Variants in CAMKMT observed in about 807,000 individuals in gnomAD.
The protein encoded by CAMKMT is CaM KMT.
In CAMKMT, 53 loss-of-function variants were observed where a neutral mutation model predicts 48.0. The observed-to-expected ratio is 1.10, with a 90% CI of 0.89 to 1.39. The LOEUF (loss-of-function observed/expected upper bound fraction) is 1.39. CAMKMT is among the 40% of genes most tolerant of loss of function. The probability of loss-of-function intolerance (pLI) is 0.00; values close to 1 mark genes in which losing one functional copy is unlikely to be tolerated. For missense variants in CAMKMT, 428 were observed against 402.7 expected, an observed-to-expected ratio of 1.06 and a Z score of -0.54; for synonymous variants, 165 against 152.3, an observed-to-expected ratio of 1.08 and a Z score of -0.61.
chr2:44,540,711 A>T (rs1325375986), intron 3 of CAMKMT, among the ~76,000 whole-genome samples: 1 of 152,186 alleles, frequency 6.6e-6, no homozygotes, highest in Non-Finnish European at 1.5e-5. Flanking sequence ...TCATTGTGCC[A>T]CTGCACTCCA....
chr2:44,645,706 A>G (rs1031479021), intron 3 of CAMKMT, among the ~76,000 whole-genome samples: 5 of 152,110 alleles, frequency 3.3e-5, no homozygotes, highest in African/African-American at 1.2e-4. Flanking sequence ...CTGTAATCCA[A>G]GCTACTCAGG....
chr2:44,549,405 A>G lies in CAMKMT; in HGVS notation c.377-154878A>G, dbSNP rs1056622746. 5.3e-6 allele frequency: 3 copies of G among 569,200 alleles called. No individual in the cohort carries two copies. The African/African-American group carries it at 5.8e-5, about 11-fold the overall frequency. The allele number at this position is 569,200 out of a possible 1,614,324, so 35.3% of individuals were successfully genotyped here. A position where few individuals can be genotyped will look rare whatever the true frequency, so the allele number is the denominator to read the frequency against. On this transcript the variant is annotated intron_variant, in intron 3 of 10. Coordinates refer to ENST00000378494, the MANE Select transcript of CAMKMT (RefSeq NM_024766.5). Reference sequence around the variant, plus strand: ...ATGTACAGAGTGACAAACATAATTCACCCCAAGGGAAGAGAAGAACCTCTC... The same window carrying G: ...ATGTACAGAGTGACAAACATAATTCGCCCCAAGGGAAGAGAAGAACCTCTC...
At chr2:44,708,328 A>T (rs1677680376) in intron 6 of CAMKMT, among the ~76,000 whole-genome samples, 1 of 137,402 alleles carries the variant, frequency 7.3e-6, no homozygotes, top group Non-Finnish European at 1.5e-5. Flanking sequence ...TTTCTGTGGC[A>T]TCTTACATAC....
chr2:44,467,351 G>A (rs928354420), intron 3 of CAMKMT, among the ~76,000 whole-genome samples: 1 of 151,708 alleles, frequency 6.6e-6, no homozygotes, highest in Non-Finnish European at 1.5e-5. Flanking sequence ...GGCCAACATG[G>A]TGAAACCCTG....
chr2:44,688,183 A>G lies in CAMKMT; in HGVS notation c.377-16100A>G, dbSNP rs1278280179. Among the ~76,000 whole-genome samples the G allele has an allele frequency of 3.3e-5, 5 of 152,000 alleles. No individual in the cohort carries two copies. The South Asian group carries it at 6.2e-4, about 19-fold the overall frequency. On this transcript the variant is annotated intron_variant, in intron 3 of 10. Transcript: ENST00000378494. The stretch of plus-strand genomic sequence containing the variant: ...GGGGAAGGAAAATGAAATCAAATTC[A>G]TTTCCTTAACAAAAAAAAAAGGTGT...
intron 3 of CAMKMT, among the ~76,000 whole-genome samples, chr2:44,595,755 C>T (rs1558732047): frequency 6.6e-6 from 1 of 152,124 alleles, no homozygotes; most frequent in Non-Finnish European, 1.5e-5. Context: ...GAATCATAGA[C>T]TGGATAAATG....
chr2:44,419,685 T>C (rs1683796928), intron 3 of CAMKMT, among the ~76,000 whole-genome samples: 1 of 152,192 alleles, frequency 6.6e-6, no homozygotes, highest in South Asian at 2.1e-4. Context: ...AAGTAATCTT[T>C]CTGCCTTAAA....
chr2:44,558,040 TTC>T (rs1668111192), intron 3 of CAMKMT, among the ~76,000 whole-genome samples: 6 of 29,138 alleles, frequency 2.1e-4, no homozygotes, highest in Admixed American at 5.5e-4. Flanking sequence ...TATTTATTCA[TTC>T]ATTCATTCAT....
chr2:44,419,250 A>G (rs1324936308), intron 3 of CAMKMT, among the ~76,000 whole-genome samples: 2 of 152,190 alleles, frequency 1.3e-5, no homozygotes, highest in Non-Finnish European at 2.9e-5. Flanking sequence ...TGAAATGTGG[A>G]CCTAAGATGA....
Position 44,477,605 on chromosome 2 carries a change from G to T in CAMKMT, c.376+87300G>T, listed in dbSNP as rs529336177. 1.8e-4 allele frequency among the ~76,000 whole-genome samples: 28 copies of T among 152,198 alleles called. No homozygotes were observed. The South Asian group carries it at 5.4e-3, about 29-fold the overall frequency. On this transcript the variant is annotated intron_variant, in intron 3 of 10. Transcript: ENST00000378494. Reference sequence around the variant, plus strand: ...AAGCCCAGTTATCTAGAATTATAAGGTTATAGTACATTTTTGGTTGAGCAC... The same window carrying T: ...AAGCCCAGTTATCTAGAATTATAAGTTTATAGTACATTTTTGGTTGAGCAC...
At position 44,546,454 on chromosome 2, in the gene CAMKMT, G is replaced by A. The variant is rs113334275; in HGVS notation, c.376+156149G>A. Among the ~76,000 whole-genome samples the A allele has an allele frequency of 1.3e-3, 195 of 152,198 alleles. 1 individual carries two copies. The highest frequency in any genetic ancestry group is 4.5e-3 in the African/African-American group (185 of 41,508). ...GATCTGTTTCACGTTTTATGGAATC[G>A]ATAAATCTCATCCCTAAAGAGTCCA... On this transcript the variant is annotated intron_variant, in intron 3 of 10. Coordinates refer to ENST00000378494, the MANE Select transcript of CAMKMT (RefSeq NM_024766.5).
At chr2:44,587,247 C>T (rs1669907232) in intron 3 of CAMKMT, among the ~76,000 whole-genome samples, 2 of 152,134 alleles carry the variant, frequency 1.3e-5, no homozygotes, top group South Asian at 4.1e-4. Context: ...GACTTCTTAA[C>T]AATACTGAGT....
intron 2 of CAMKMT, among the ~76,000 whole-genome samples, chr2:44,373,472 C>T (rs1679379004): frequency 6.6e-6 from 1 of 152,106 alleles, no homozygotes; most frequent in South Asian, 2.1e-4. Flanking sequence ...TTTTCTCTCA[C>T]AGTTATGTTC....
At chr2:44,573,325 G>T (rs966950069) in intron 3 of CAMKMT, among the ~76,000 whole-genome samples, 2 of 151,726 alleles carry the variant, frequency 1.3e-5, no homozygotes, top group Non-Finnish European at 2.9e-5. Context: ...ATTATGAGTA[G>T]TAATGTCTTG....
rs138788192 is a variant in CAMKMT at position 44,432,567 on chromosome 2, C to A, written c.376+42262C>A. ...TTTTCAAGGAGCCACGAAGTAATTA[C>A]AGGGTAACTTCTTGACATTATTTTC... On this transcript the variant is annotated intron_variant, in intron 3 of 10. Coordinates refer to ENST00000378494, the MANE Select transcript of CAMKMT (RefSeq NM_024766.5). Among the ~76,000 whole-genome samples, 484 of 152,274 alleles carry A rather than the reference C, an allele frequency of 3.2e-3. 2 individuals carry two copies. Among genetic ancestry groups the A allele is most frequent in the African/African-American group, 0.011 (449 of 41,552 alleles).
chr2:44,441,520 A>G (rs1168372334), intron 3 of CAMKMT, among the ~76,000 whole-genome samples: 1 of 152,142 alleles, frequency 6.6e-6, no homozygotes, highest in Non-Finnish European at 1.5e-5. Flanking sequence ...ATAGATGTAG[A>G]TGATTAACTG....
chr2:44,484,048 G>A (rs1028860394), intron 3 of CAMKMT, among the ~76,000 whole-genome samples: 1 of 152,158 alleles, frequency 6.6e-6, no homozygotes, highest in Non-Finnish European at 1.5e-5. Flanking sequence ...ATACCTCATA[G>A]TGGTACCTCA....
intron 3 of CAMKMT, among the ~76,000 whole-genome samples, chr2:44,437,849 A>C (rs76827133): frequency 0.13 from 19,584 of 151,264 alleles, 2,132 homozygotes; most frequent in African/African-American, 0.29. Flanking sequence ...AAAAAAAAAA[A>C]AAAAAAAATG....
intron 9 of CAMKMT, among the ~76,000 whole-genome samples, chr2:44,764,413 G>A (rs1038421221): frequency 1.3e-5 from 2 of 152,098 alleles, no homozygotes; most frequent in African/African-American, 4.8e-5. Context: ...TTCACATTCT[G>A]TATTTGATCC....
Sources: gnomAD v4.1 joint callset for allele counts (sites outside exome capture counted in the v4.1 genomes callset) on GRCh38, gnomAD v4.1.1 for gene constraint, MANE v1.5 for transcripts, NCBI Gene and HGNC (gene_info 2026-07-23, HGNC 2026-07-21) for gene names.